The following TENT4B variants were observed in gnomAD, a reference collection of about 807,000 sequenced individuals.
TENT4B encodes the protein PAP associated domain containing 5.
Under a neutral mutation model 75.0 loss-of-function variants are expected in TENT4B, and 10 were observed. That is an observed-to-expected ratio of 0.13 (90% CI 0.08 to 0.23). The LOEUF is 0.23. Among genes scored for constraint, TENT4B ranks in the 10% least tolerant of loss-of-function variants. The pLI is 1.00. For missense variants in TENT4B, 579 were observed against 893.8 expected, an observed-to-expected ratio of 0.65 and a Z score of 4.49; for synonymous variants, 350 against 357.7, an observed-to-expected ratio of 0.98 and a Z score of 0.24.
At chr16:50,196,351 T>TG (rs79526168) in intron 1 of TENT4B, among the ~76,000 whole-genome samples, 91,323 of 151,914 alleles carry the variant, frequency 0.6, 29,574 homozygotes, top group South Asian at 0.7. Flanking sequence ...ATTAGGAGTG[T>TG]GAAAAAAAAG....
intron 1 of TENT4B, among the ~76,000 whole-genome samples, chr16:50,181,713 A>G (rs945761929): frequency 1.3e-5 from 2 of 152,092 alleles, no homozygotes; most frequent in South Asian, 2.1e-4. Flanking sequence ...GTTTTTGCAC[A>G]TGCCTCTTTA....
chr16:50,182,891 C>CTTTTGTTTTTTTTT (rs2038443961), intron 1 of TENT4B, among the ~76,000 whole-genome samples: 1 of 36,458 alleles, frequency 2.7e-5, no homozygotes, highest in Non-Finnish European at 5.1e-5. Flanking sequence ...TTTATTTTAC[C>CTTTTGTTTTTTTTT]TTTTTTTTTT....
chr16:50,220,938 A>G (rs2031797893), intron 5 of TENT4B, among the ~76,000 whole-genome samples: 1 of 152,138 alleles, frequency 6.6e-6, no homozygotes, highest in Admixed American at 6.6e-5. Context: ...TATAGAAGCC[A>G]TGCGTGTTCA....
At chr16:50,223,528 C>A in intron 7 of TENT4B, 141 bp downstream of exon 7, 2 of 635,184 alleles carry the variant, frequency 3.1e-6, no homozygotes, top group Non-Finnish European at 5.3e-6. Context: ...ATTTCATGAG[C>A]AAACATACTA....
chr16:50,159,950 G>A (rs555849961), intron 1 of TENT4B, among the ~76,000 whole-genome samples: 1 of 152,062 alleles, frequency 6.6e-6, no homozygotes, highest in Admixed American at 6.6e-5. Flanking sequence ...CCAGGCTGGA[G>A]TGCAGTGGCG....
intron 1 of TENT4B, among the ~76,000 whole-genome samples, chr16:50,198,305 G>A (rs1432699606): frequency 1.3e-5 from 2 of 151,476 alleles, no homozygotes; most frequent in African/African-American, 2.4e-5. Context: ...TATAGTCCCA[G>A]CTACTTTGGA....
At chr16:50,169,903 G>A (rs557021770) in intron 1 of TENT4B, among the ~76,000 whole-genome samples, 1 of 152,110 alleles carries the variant, frequency 6.6e-6, no homozygotes, top group Non-Finnish European at 1.5e-5. Context: ...TTTAGCTGTT[G>A]GTAGCTGAAG....
At chr16:50,181,464 A>ATTTTTT (rs35488041) in intron 1 of TENT4B, among the ~76,000 whole-genome samples, 14 of 109,816 alleles carry the variant, frequency 1.3e-4, no homozygotes, top group Non-Finnish European at 9.7e-5. Flanking sequence ...CAGCTATTGT[A>ATTTTTT]TTTTTTTTTT....
At chr16:50,183,965 G>A (rs1296763731) in intron 1 of TENT4B, among the ~76,000 whole-genome samples, 1 of 152,090 alleles carries the variant, frequency 6.6e-6, no homozygotes, top group Admixed American at 6.6e-5. Flanking sequence ...TGTATTCCTA[G>A]AGTTGTGCAA....
chr16:50,153,112 A>G (rs1244081085), upstream of TENT4B: 10 of 1,151,788 alleles, frequency 8.7e-6, no homozygotes, highest in East Asian at 2.2e-4. Flanking sequence ...GGCCTCTGTG[A>G]CGCACGGCGA....
At position 50,234,640 on chromosome 16, in the gene TENT4B, A is replaced by G. The variant is rs1210044291; in HGVS notation, c.*5312A>G. ...ATTGAAACTTACAGAAGTCACTTTA[A>G]AAAAGTCTTTTGAAAGTCCTACAAT... On this transcript the variant is annotated 3_prime_UTR_variant, in exon 12 of 12. Transcript: ENST00000561678. The G allele has an allele frequency of 6.1e-6, 6 of 985,280 alleles. No individual in the cohort carries two copies. The Admixed American group carries it at 3.1e-4, about 50-fold the overall frequency. The allele number at this position is 985,280 out of a possible 1,614,324, so 61.0% of individuals were successfully genotyped here.
intron 1 of TENT4B, among the ~76,000 whole-genome samples, chr16:50,156,054 C>T (rs2037892946): frequency 6.6e-6 from 1 of 151,918 alleles, no homozygotes; most frequent in Admixed American, 6.6e-5. Context: ...TGTTCTTGTT[C>T]CTGATTCAAA....
intron 1 of TENT4B, among the ~76,000 whole-genome samples, chr16:50,183,259 G>A (rs2038457896): frequency 6.6e-6 from 1 of 151,898 alleles, no homozygotes; most frequent in South Asian, 2.1e-4. Flanking sequence ...GGTCAGGCTG[G>A]TCTCAAACTC....
At position 50,222,317 on chromosome 16, in the gene TENT4B, A is replaced by G. The variant is rs1223793482; in HGVS notation, c.1050A>G (p.Val350=). ...LIKDFTKKYP[V]LPYLVLVLKQ... The stretch of plus-strand genomic sequence containing the variant: ...ATTTTCTTTTTCAGAAATATCCTGT[A>G]TTGCCATACTTGGTTTTAGTATTGA... Residue 350 remains valine, a synonymous_variant, in exon 6 of 12, where the codon GTA becomes GTG. Transcript: ENST00000561678. The G allele has an allele frequency of 1.3e-6, 2 of 1,597,442 alleles. No individual in the cohort carries two copies. The highest frequency in any genetic ancestry group is 1.7e-5 in the Admixed American group (1 of 57,216).
At chr16:50,219,094 G>T (rs1409833796) in intron 5 of TENT4B, among the ~76,000 whole-genome samples, 1 of 150,422 alleles carries the variant, frequency 6.6e-6, no homozygotes, top group Non-Finnish European at 1.5e-5. Context: ...TATATTGGGG[G>T]TGTGTGTGTG....
At chr16:50,212,536 C>T (rs889370554) in intron 2 of TENT4B, among the ~76,000 whole-genome samples, 1 of 151,966 alleles carries the variant, frequency 6.6e-6, no homozygotes, top group Non-Finnish European at 1.5e-5. Context: ...GGTTTTTTTC[C>T]AATTGGCAAA....
intron 1 of TENT4B, among the ~76,000 whole-genome samples, chr16:50,201,252 C>G (rs1192127439): frequency 6.6e-6 from 1 of 152,118 alleles, no homozygotes; most frequent in Non-Finnish European, 1.5e-5. Context: ...AATACCAGCC[C>G]TGGGCTGGAT....
chr16:50,205,956 A>C (rs570630024), intron 1 of TENT4B, among the ~76,000 whole-genome samples: 9 of 152,030 alleles, frequency 5.9e-5, no homozygotes, highest in African/African-American at 2.2e-4. Flanking sequence ...TTTCTTTCCA[A>C]TTTAACATAT....
chr16:50,158,906 TAATCACA>T (rs1238964173), intron 1 of TENT4B, among the ~76,000 whole-genome samples: 4 of 152,216 alleles, frequency 2.6e-5, no homozygotes, highest in African/African-American at 7.2e-5. Flanking sequence ...GTGGATTTAA[TAATCACA>T]CTGTAGCTTT....
Sources: gnomAD v4.1 joint callset for allele counts (sites outside exome capture counted in the v4.1 genomes callset) on GRCh38, gnomAD v4.1.1 for gene constraint, MANE v1.5 for transcripts, NCBI Gene and HGNC (gene_info 2026-07-23, HGNC 2026-07-21) for gene names.